Variants in RMDN3 observed in about 807,000 individuals in gnomAD.
The protein encoded by RMDN3 is regulator of microtubule dynamics protein 3.
Under a neutral mutation model 61.8 loss-of-function variants are expected in RMDN3, and 41 were observed. The ratio of observed to expected loss-of-function variants is 0.66; its 90% confidence interval spans 0.52 to 0.86. The LOEUF is 0.86. Ranked by LOEUF, RMDN3 falls within the 40% of genes least tolerant of loss-of-function variation. The pLI is 0.00. For synonymous variants in RMDN3, 247 were observed against 232.0 expected, an observed-to-expected ratio of 1.06 and a Z score of -0.59; for missense variants, 557 against 585.3, an observed-to-expected ratio of 0.95 and a Z score of 0.50.
Position 40,752,036 on chromosome 15 carries a change from C to T in RMDN3, c.330G>A (p.Glu110=), listed in dbSNP as rs557275582. ...CAAGCCCTCGCAGGCTGCTTCTCAG[C>T]TCCTCCACCTCCCGCCGCAGCGCCA... ...SLVALRREVE[E]LRSSLRGLAG... is the part of the protein sequence containing the mutation. The change falls in exon 3 of 13, where the codon GAG becomes GAA. Residue 110 remains glutamate (E), a synonymous_variant. Transcript: ENST00000338376. The T allele has an allele frequency of 3.7e-6, 6 of 1,614,246 alleles. No homozygotes were observed. The Admixed American group carries it at 6.7e-5, about 18-fold the overall frequency.
Position 40,736,597 on chromosome 15 carries a change from A to G in RMDN3, c.1360-3T>C. ...AGGTCCTTCTGGATAGCCAAATCCT[A>G]GGGAGACAAAGAACAAATCTAGGGC... On this transcript the variant is annotated splice_polypyrimidine_tract_variant and splice_region_variant and intron_variant, in intron 12 of 12. Coordinates refer to ENST00000338376, the MANE Select transcript of RMDN3 (RefSeq NM_018145.3). The G allele has an allele frequency of 1.9e-6, 3 of 1,613,850 alleles. No homozygotes were observed. Among genetic ancestry groups the G allele is most frequent in the Non-Finnish European group, 2.5e-6 (3 of 1,179,776 alleles).
At chr15:40,744,866 A>G (rs1897447698) in intron 5 of RMDN3, 111 bp downstream of exon 5, 3 of 1,182,496 alleles carry the variant, frequency 2.5e-6, no homozygotes, top group Non-Finnish European at 3.5e-6. Flanking sequence ...TTCTCGTCCC[A>G]TGTCACCTTG....
intron 10 of RMDN3, 112 bp downstream of exon 10, chr15:40,737,516 C>A: frequency 8.6e-7 from 1 of 1,167,492 alleles, no homozygotes; most frequent in Non-Finnish European, 1.3e-6. Flanking sequence ...AACAGGCAAA[C>A]ACAAAATTGC....
intron 2 of RMDN3, among the ~76,000 whole-genome samples, chr15:40,754,038 T>G (rs1421419377): frequency 6.6e-6 from 1 of 152,052 alleles, no homozygotes; most frequent in Non-Finnish European, 1.5e-5. Flanking sequence ...AGCACTATTG[T>G]GGCCAGAACT....
intron 2 of RMDN3, 106 bp from the exon 3 acceptor site, chr15:40,752,284 C>G (rs1897863238): frequency 8.6e-7 from 1 of 1,161,228 alleles, no homozygotes. Context: ...AAGAGAAGGC[C>G]CAGTGACGCT....
chr15:40,745,407 T>C (rs1299782964), intron 4 of RMDN3, 148 bp from the exon 5 acceptor site: 2 of 696,660 alleles, frequency 2.9e-6, no homozygotes, highest in Admixed American at 3.3e-5. Flanking sequence ...GGGCAGACTT[T>C]TTTTCTTTTT....
chr15:40,736,452 C>T lies in RMDN3; in HGVS notation c.*89G>A. The T allele has an allele frequency of 2.5e-6, 3 of 1,183,794 alleles. No homozygotes were observed. Among genetic ancestry groups the T allele is most frequent in the Admixed American group, 3.6e-5 (2 of 55,478 alleles). The allele number at this position is 1,183,794 out of a possible 1,614,324, so 73.3% of individuals were successfully genotyped here. ...CCCAGGAGACAGATTTGTGTGGTTT[C>T]CTGATCTCAGCAAGGTCTAAGGAAA... is the stretch of plus-strand genomic sequence containing the variant. On this transcript the variant is annotated 3_prime_UTR_variant, in exon 13 of 13. Transcript: ENST00000338376.
chr15:40,744,096 CAT>C lies in RMDN3; in HGVS notation c.859_860del (p.Met287ValfsTer2), dbSNP rs763040315. ...LWRLARAYSD[M>X]CELTEEVSEK... ...CGCTCACCTCCTCAGTGAGCTCACACATGTCACTGTAGGCTCGGGCCAGGCGC... is the reference window on the plus strand; with the variant it reads ...CGCTCACCTCCTCAGTGAGCTCACACGTCACTGTAGGCTCGGGCCAGGCGC... On this transcript the variant is annotated frameshift_variant, in exon 6 of 13. Coordinates refer to ENST00000338376, the MANE Select transcript of RMDN3 (RefSeq NM_018145.3). LOFTEE classifies it high-confidence loss of function. 11 of 1,613,636 alleles carry C rather than the reference CAT, an allele frequency of 6.8e-6. No homozygotes were observed. The highest frequency in any genetic ancestry group is 1.7e-5 in the Admixed American group (1 of 60,008).
At chr15:40,742,705 G>A (rs1039159183) in intron 6 of RMDN3, among the ~76,000 whole-genome samples, 1 of 152,192 alleles carries the variant, frequency 6.6e-6, no homozygotes, top group African/African-American at 2.4e-5. Flanking sequence ...AAGCTCAGGA[G>A]GCCAGACCAA....
At chr15:40,736,679 T>C in intron 12 of RMDN3, 85 bp from the exon 13 acceptor site, 1 of 1,194,070 alleles carries the variant, frequency 8.4e-7, no homozygotes, top group South Asian at 1.2e-5. Flanking sequence ...AGGGGCCCTT[T>C]GCTTCCTTCC....
rs1212448380 is a variant in RMDN3, at chr15:40,751,989, AC to A, written c.376del (p.Val126SerfsTer75). ...GAGAAGAAGCCGCATTACTCACCGG[AC>A]CTCCCCAACAATCTCCCCCGCAAGC... ...RGLAGEIVGE[V>X]RCHMEENQRV... On this transcript the variant is annotated frameshift_variant, in exon 3 of 13. Transcript: ENST00000338376. LOFTEE classifies it high-confidence loss of function. 1 of 1,612,952 alleles carries A rather than the reference AC, an allele frequency of 6.2e-7. No homozygotes were observed. The highest frequency in any genetic ancestry group is 1.3e-5 in the African/African-American group (1 of 74,808).
chr15:40,753,313 A>C (rs1464071859), intron 2 of RMDN3, among the ~76,000 whole-genome samples: 1 of 152,038 alleles, frequency 6.6e-6, no homozygotes, highest in Non-Finnish European at 1.5e-5. Context: ...GGAGTTGGAG[A>C]CCAGCCTGGC....
At chr15:40,747,140 C>G (rs1436196035) in intron 4 of RMDN3, among the ~76,000 whole-genome samples, 1 of 152,222 alleles carries the variant, frequency 6.6e-6, no homozygotes, top group East Asian at 1.9e-4. Flanking sequence ...GGGGGAGACC[C>G]TATTTCTTGC....
In RMDN3 at chr15:40,754,993, C is replaced by T. The variant is rs1199853594; in HGVS notation, c.-8+90G>A. On this transcript the variant is annotated intron_variant, in intron 1 of 12. Coordinates refer to ENST00000338376, the MANE Select transcript of RMDN3 (RefSeq NM_018145.3). ...TCCAGCCTCCTGGGCCCCACTGCCT[C>T]TCTTCTCACCCAGCCTGGACGTAGC... The T allele has an allele frequency of 7.3e-6, 4 of 544,660 alleles. No individual in the cohort carries two copies. The East Asian group carries it at 9.5e-5, about 13-fold the overall frequency. 33.7% of individuals were successfully genotyped at this position (544,660 alleles called of 1,614,324 possible).
At chr15:40,744,926 GAGAT>G (rs965473048) in intron 5 of RMDN3, 47 bp downstream of exon 5, 1 of 1,524,322 alleles carries the variant, frequency 6.6e-7, no homozygotes, top group Admixed American at 2.1e-5. Flanking sequence ...CAGGAACAGA[GAGAT>G]GGAGGGAGGG....
chr15:40,739,997 T>G, intron 7 of RMDN3, 136 bp downstream of exon 7: 1 of 676,640 alleles, frequency 1.5e-6, no homozygotes, highest in Non-Finnish European at 2.7e-6. Context: ...GACTGAGGCA[T>G]GTGGAGATAC....
chr15:40,751,961 CAGG>C lies in RMDN3; in HGVS notation c.380+22_380+24del, dbSNP rs10541439. ...GAAAAGCTGCAGGGGAGGGATAAAG[CAGG>C]AGAAGAAGCCGCATTACTCACCGGA... On this transcript the variant is annotated intron_variant, in intron 3 of 12. Transcript: ENST00000338376. 7,652 of 1,606,136 alleles carry C rather than the reference CAGG, an allele frequency of 4.8e-3. 327 individuals carry two copies. In the African/African-American group the frequency reaches 0.092, roughly 19 times the overall value.
chr15:40,752,922 G>A (rs1337338162), intron 2 of RMDN3, among the ~76,000 whole-genome samples: 1 of 152,092 alleles, frequency 6.6e-6, no homozygotes, highest in Non-Finnish European at 1.5e-5. Context: ...AAGGAAATCT[G>A]GTAAAAAACT....
At chr15:40,746,096 C>G (rs985721136) in intron 4 of RMDN3, among the ~76,000 whole-genome samples, 2 of 152,210 alleles carry the variant, frequency 1.3e-5, no homozygotes, top group Non-Finnish European at 2.9e-5. Flanking sequence ...CCCTGATGCA[C>G]CCACTAAAGA....
Sources: allele counts gnomAD v4.1 joint callset (sites outside exome capture counted in the v4.1 genomes callset), GRCh38; gene constraint gnomAD v4.1.1; transcripts MANE v1.5; gene names NCBI Gene and HGNC (gene_info 2026-07-23, HGNC 2026-07-21).